Variants in SEC63 observed in about 807,000 individuals in gnomAD.
The protein encoded by SEC63 is translocation protein SEC63 homolog.
Under a neutral mutation model 116.2 loss-of-function variants are expected in SEC63, and 56 were observed. The observed-to-expected ratio is 0.48, with a 90% CI of 0.39 to 0.60. The LOEUF is 0.60. Ranked by LOEUF, SEC63 falls within the 20% of genes least tolerant of loss-of-function variation. SEC63 has a pLI of 0.00. For missense variants in SEC63, 668 were observed against 900.0 expected (o/e 0.74, Z 3.30); for synonymous variants, 273 against 294.6 (o/e 0.93, Z 0.75).
intron 1 of SEC63, among the ~76,000 whole-genome samples, chr6:107,941,713 A>G (rs1016037723): frequency 2.0e-5 from 3 of 152,222 alleles, no homozygotes; most frequent in African/African-American, 7.2e-5. Flanking sequence ...TCTGTGAAGA[A>G]GGAAGCTCCA....
At position 107,906,360 on chromosome 6, in the gene SEC63, G is replaced by C. The variant is rs141251718; in HGVS notation, c.961+88C>G. On this transcript the variant is annotated intron_variant, in intron 10 of 20. Coordinates refer to ENST00000369002, the MANE Select transcript of SEC63 (RefSeq NM_007214.5). The stretch of plus-strand genomic sequence containing the variant: ...CTCAGGTATTTCTTTAGAGCAATGC[G>C]AGAACAAACTAATACACACCATTAA... 1.2e-5 allele frequency: 17 copies of C among 1,402,132 alleles called. No individual in the cohort carries two copies. In the East Asian group the frequency reaches 3.2e-4, roughly 26 times the overall value. The allele number at this position is 1,402,132 out of a possible 1,614,324, so 86.9% of individuals were successfully genotyped here. A position where few individuals can be genotyped will look rare whatever the true frequency, so the allele number is the denominator to read the frequency against.
Position 107,911,169 on chromosome 6 carries a change from G to A in SEC63, c.624+177C>T, listed in dbSNP as rs114269865. 3.4e-3 allele frequency: 2,068 copies of A among 613,980 alleles called. 21 individuals carry two copies. Among genetic ancestry groups the A allele is most frequent in the African/African-American group, 0.032 (1,743 of 54,082 alleles). 38.0% of individuals were successfully genotyped at this position (613,980 alleles called of 1,614,324 possible). ...TGCAGAGGTGGGGTCATGGCTCACC[G>A]CAACCTCAAACACCTAGGCTCAAGC... On this transcript the variant is annotated intron_variant, in intron 7 of 20. Transcript: ENST00000369002.
Position 107,901,460 on chromosome 6 carries a change from G to A in SEC63, c.1267C>T (p.Leu423=), listed in dbSNP as rs1244491090. ...TTTTCATCTTCAAGGAAGTGCAGTAGAGTGTGACGATCTGATTCTTTTAAA... is the reference window on the plus strand; with the variant it reads ...TTTTCATCTTCAAGGAAGTGCAGTAAAGTGTGACGATCTGATTCTTTTAAA... ...VSLKESDRHT[L]LHFLEDEKYE... The change falls in exon 13 of 21, where the codon CTA becomes TTA. Residue 423 remains leucine, a synonymous_variant. Transcript: ENST00000369002. 6.2e-7 allele frequency: 1 copy of A among 1,610,046 alleles called. No individual in the cohort carries two copies. The highest frequency in any genetic ancestry group is 1.3e-5 in the African/African-American group (1 of 74,852).
chr6:107,876,919 T>C, intron 18 of SEC63: 1 of 411,488 alleles, frequency 2.4e-6, no homozygotes, highest in Non-Finnish European at 4.4e-6. Context: ...TTGGCCTTCA[T>C]ATTAAAAACC....
At chr6:107,943,382 G>A (rs1425372624) in intron 1 of SEC63, among the ~76,000 whole-genome samples, 1 of 152,164 alleles carries the variant, frequency 6.6e-6, no homozygotes, top group Non-Finnish European at 1.5e-5. Context: ...AAGCTGACTA[G>A]TATCTACATA....
chr6:107,871,713 A>T lies in SEC63; in HGVS notation c.2274T>A (p.Asp758Glu), dbSNP rs920077263. 6.2e-7 allele frequency: 1 copy of T among 1,612,434 alleles called. No homozygotes were observed. Among genetic ancestry groups the T allele is most frequent in the Non-Finnish European group, 8.5e-7 (1 of 1,179,714 alleles). Reference sequence around the variant, plus strand: ...CCATTCAGAGTACTGCTTAGTCATCATCTTCTTCTTCCTCCTCTTCTTCCT... The same window carrying T: ...CCATTCAGAGTACTGCTTAGTCATCTTCTTCTTCTTCCTCCTCTTCTTCCT... ...SFEEEEEEEE[D>E]DD The change falls in exon 21 of 21, where the codon GAT becomes GAA. Residue 758 changes from aspartate to glutamate, a missense_variant. This residue lies in a region of SEC63 where 85 missense variants were observed against 116.3 expected (regional missense o/e 0.73). Transcript: ENST00000369002.
At chr6:107,917,658 G>C (rs1189080146) in intron 4 of SEC63, among the ~76,000 whole-genome samples, 1 of 152,214 alleles carries the variant, frequency 6.6e-6, no homozygotes, top group Non-Finnish European at 1.5e-5. Context: ...AAACAGCCTT[G>C]TTGCTGATTT....
At chr6:107,925,047 G>T in intron 2 of SEC63, 115 bp from the exon 3 acceptor site, 2 of 713,400 alleles carry the variant, frequency 2.8e-6, no homozygotes, top group South Asian at 1.5e-5. Flanking sequence ...CTATGCTACT[G>T]ACTCAAATTC....
intron 4 of SEC63, among the ~76,000 whole-genome samples, chr6:107,915,999 A>G (rs1373532920): frequency 1.3e-5 from 2 of 152,112 alleles, no homozygotes; most frequent in African/African-American, 2.4e-5. Flanking sequence ...AAAACTAAAC[A>G]CCTTATATTA....
rs1465106361 is a variant in SEC63, at chr6:107,870,282, T to G, written c.*1422A>C. The G allele has an allele frequency of 6.5e-6, 1 of 152,694 alleles. No homozygotes were observed. The highest frequency in any genetic ancestry group is 2.4e-5 in the African/African-American group (1 of 41,464). 9.5% of individuals were successfully genotyped at this position (152,694 alleles called of 1,614,324 possible). A position where few individuals can be genotyped will look rare whatever the true frequency, so the allele number is the denominator to read the frequency against. On this transcript the variant is annotated 3_prime_UTR_variant, in exon 21 of 21. Transcript: ENST00000369002. The stretch of plus-strand genomic sequence containing the variant: ...CCCTTTTATAGGAAATATTACATCT[T>G]AAATTTAGAACCAAAAAAACCATTC...
At chr6:107,936,541 G>A (rs1283314871) in intron 1 of SEC63, among the ~76,000 whole-genome samples, 1 of 7,076 alleles carries the variant, frequency 1.4e-4, no homozygotes, top group African/African-American at 2.1e-3. Context: ...TCCTTAACTT[G>A]TATTTTTTTA....
Position 107,921,731 on chromosome 6 carries a change from C to A in SEC63, c.452+66G>T, listed in dbSNP as rs1427713438. The A allele has an allele frequency of 1.3e-5, 13 of 996,764 alleles. No individual in the cohort carries two copies. In the East Asian group the frequency reaches 1.7e-4, roughly 13 times the overall value. 61.7% of individuals were successfully genotyped at this position (996,764 alleles called of 1,614,324 possible). A position where few individuals can be genotyped will look rare whatever the true frequency, so the allele number is the denominator to read the frequency against. ...CCTCCCAAAGTACTGGGATTACAGGCATGAACCACTGCACCTGGCTTATCT... is the reference window on the plus strand; with the variant it reads ...CCTCCCAAAGTACTGGGATTACAGGAATGAACCACTGCACCTGGCTTATCT... On this transcript the variant is annotated intron_variant, in intron 4 of 20. Transcript: ENST00000369002.
chr6:107,956,031 G>A (rs965748277), intron 1 of SEC63: 3 of 414,538 alleles, frequency 7.2e-6, no homozygotes, highest in Non-Finnish European at 9.9e-6. Flanking sequence ...TGTAAGGCCA[G>A]CTACTCGGGG....
chr6:107,915,308 T>G (rs546580748), intron 4 of SEC63, among the ~76,000 whole-genome samples: 1 of 152,036 alleles, frequency 6.6e-6, no homozygotes, highest in Non-Finnish European at 1.5e-5. Flanking sequence ...CTGGGAAAAA[T>G]GCACATTACA....
intron 4 of SEC63, among the ~76,000 whole-genome samples, chr6:107,917,202 C>T (rs181208868): frequency 3.9e-5 from 6 of 152,298 alleles, no homozygotes; most frequent in East Asian, 1.9e-4. Context: ...TCCTTTAATT[C>T]GGCCCATCCC....
intron 1 of SEC63, 81 bp downstream of exon 1, chr6:107,957,805 G>T: frequency 7.4e-7 from 1 of 1,347,116 alleles, no homozygotes; most frequent in East Asian, 3.2e-5. Flanking sequence ...GCGGGCTGGG[G>T]CCGGGCAAGC....
intron 4 of SEC63, among the ~76,000 whole-genome samples, chr6:107,917,431 T>A (rs1409152283): frequency 2.0e-5 from 3 of 151,966 alleles, no homozygotes; most frequent in Non-Finnish European, 4.4e-5. Context: ...CTGACCGAGC[T>A]GGTCTCGGCG....
intron 1 of SEC63, among the ~76,000 whole-genome samples, chr6:107,953,561 G>C (rs1770625700): frequency 6.7e-6 from 1 of 148,506 alleles, no homozygotes; most frequent in African/African-American, 2.5e-5. Flanking sequence ...CCCCGTCCGG[G>C]AGGGAGGTGG....
chr6:107,868,134 T>C lies in SEC63; in HGVS notation c.*3570A>G, dbSNP rs1226090809. 2 of 152,112 alleles carry C rather than the reference T, an allele frequency of 1.3e-5. No homozygotes were observed. The highest frequency in any genetic ancestry group is 1.5e-5 in the Non-Finnish European group (1 of 68,026). 9.4% of individuals were successfully genotyped at this position (152,112 alleles called of 1,614,324 possible). ...TCACTACACAGCTGGCAAAATGTTA[T>C]GGTTCACCAACAGTTATTTCACTTT... On this transcript the variant is annotated 3_prime_UTR_variant, in exon 21 of 21. Transcript: ENST00000369002.
Sources: allele counts gnomAD v4.1 joint callset (sites outside exome capture counted in the v4.1 genomes callset), GRCh38; gene constraint gnomAD v4.1.1; regional missense constraint gnomAD v4.1.1; transcripts MANE v1.5; gene names NCBI Gene and HGNC (gene_info 2026-07-23, HGNC 2026-07-21).